Variants in CYP39A1 observed in about 807,000 individuals in gnomAD.
CYP39A1 encodes cytochrome P450 family 39 subfamily A member 1, also known as 24-hydroxycholesterol 7-alpha-hydroxylase.
Under a neutral mutation model 58.1 loss-of-function variants are expected in CYP39A1, and 49 were observed. The observed-to-expected ratio is 0.84, with a 90% CI of 0.67 to 1.07. CYP39A1 has a LOEUF of 1.07. Ranked by LOEUF, CYP39A1 falls within the 50% of genes least tolerant of loss-of-function variation. CYP39A1 has a pLI of 0.00. For synonymous variants in CYP39A1, 209 were observed against 187.6 expected (o/e 1.11, Z -0.93); for missense variants, 531 against 539.4 (o/e 0.98, Z 0.16).
At chr6:46,630,196 T>C (rs892262785) in intron 6 of CYP39A1, among the ~76,000 whole-genome samples, 1 of 152,066 alleles carries the variant, frequency 6.6e-6, no homozygotes. Flanking sequence ...AAGTTCCAAT[T>C]TCACCAGCAC....
At position 46,652,397 on chromosome 6, in the gene CYP39A1, A is replaced by G. The variant is rs755495001; in HGVS notation, c.177+9T>C. 1 of 1,607,866 alleles carries G rather than the reference A, an allele frequency of 6.2e-7. No homozygotes were observed. Among genetic ancestry groups the G allele is most frequent in the African/African-American group, 1.3e-5 (1 of 74,712 alleles). ...TCCTCTGGAGACCCCGTCTGCCACG[A>G]CCACATACCTTGATTCTTGCTTTCT... On this transcript the variant is annotated intron_variant, in intron 1 of 11. Transcript: ENST00000275016.
intron 2 of CYP39A1, 130 bp from the exon 3 acceptor site, chr6:46,639,798 A>G: frequency 1.4e-6 from 1 of 690,668 alleles, no homozygotes; most frequent in Non-Finnish European, 2.4e-6. Context: ...GTCACCTCCC[A>G]TAAATAAAAG....
chr6:46,580,597 A>G (rs577596772), intron 10 of CYP39A1, among the ~76,000 whole-genome samples: 2 of 152,312 alleles, frequency 1.3e-5, no homozygotes, highest in African/African-American at 4.8e-5. Context: ...AATATTTGGC[A>G]TATGCATCTC....
chr6:46,625,434 A>G lies in CYP39A1; in HGVS notation c.915T>C (p.Ser305=), dbSNP rs1775253136. 4 of 1,609,240 alleles carry G rather than the reference A, an allele frequency of 2.5e-6. No individual in the cohort carries two copies. The highest frequency in any genetic ancestry group is 1.3e-5 in the African/African-American group (1 of 74,830). Residue 305 remains serine (S), a synonymous_variant, in exon 7 of 12, where the codon TCT becomes TCC. Transcript: ENST00000275016. The stretch of plus-strand genomic sequence containing the variant: ...GTTTAGTACCTGCTTTGCCAAACAC[A>G]GAAGATATGCCTTCCATAATGGCCT... ...IHKAIMEGIS[S]VFGKAGKDKI...
intron 1 of CYP39A1, among the ~76,000 whole-genome samples, chr6:46,647,364 T>C (rs1762387581): frequency 6.6e-6 from 1 of 152,208 alleles, no homozygotes. Flanking sequence ...TCAACATAGA[T>C]GACTACAGGT....
intron 11 of CYP39A1, among the ~76,000 whole-genome samples, chr6:46,552,525 T>C (rs1390404061): frequency 6.6e-6 from 1 of 151,974 alleles, no homozygotes; most frequent in Non-Finnish European, 1.5e-5. Flanking sequence ...CACCTAAGAG[T>C]TTTATTTATC....
At chr6:46,601,664 CCTATTA>C (rs1773514894) in intron 7 of CYP39A1, among the ~76,000 whole-genome samples, 2 of 136,798 alleles carry the variant, frequency 1.5e-5, no homozygotes, top group South Asian at 4.6e-4. Context: ...TCTCAGGTTA[CCTATTA>C]TTATTATTAT....
intron 8 of CYP39A1, among the ~76,000 whole-genome samples, chr6:46,589,808 A>G (rs933966070): frequency 1.3e-5 from 2 of 152,104 alleles, no homozygotes; most frequent in African/African-American, 4.8e-5. Flanking sequence ...CAGCACAGGG[A>G]TGGGCCTTCA....
chr6:46,576,512 A>G (rs960922382), intron 10 of CYP39A1, among the ~76,000 whole-genome samples: 3 of 152,232 alleles, frequency 2.0e-5, no homozygotes, highest in African/African-American at 7.2e-5. Context: ...AATATCTGAA[A>G]TGACAGATAT....
intron 8 of CYP39A1, among the ~76,000 whole-genome samples, chr6:46,594,901 C>T (rs892025901): frequency 1.3e-5 from 2 of 151,774 alleles, no homozygotes; most frequent in South Asian, 2.1e-4. Flanking sequence ...TTTTTGCAGG[C>T]CATACATCTG....
rs1770321361 is a variant in CYP39A1, at chr6:46,550,336, G to A, written c.*30C>T. The A allele has an allele frequency of 6.3e-7, 1 of 1,598,502 alleles. No homozygotes were observed. The highest frequency in any genetic ancestry group is 1.1e-5 in the South Asian group (1 of 89,040). On this transcript the variant is annotated 3_prime_UTR_variant, in exon 12 of 12. Coordinates refer to ENST00000275016, the MANE Select transcript of CYP39A1 (RefSeq NM_016593.5). ...GTGGGGTAGTGCCACTCCTCCAGAA[G>A]GCCCTGGTCCTTGTGAGGCCCAACA...
At chr6:46,628,066 G>C (rs999122411) in intron 6 of CYP39A1, among the ~76,000 whole-genome samples, 5 of 152,128 alleles carry the variant, frequency 3.3e-5, no homozygotes, top group African/African-American at 1.2e-4. Context: ...TGAGAGAAAG[G>C]GCAAGGAGGA....
At chr6:46,625,288 T>C (rs976748169) in intron 7 of CYP39A1, 130 bp downstream of exon 7, 6 of 606,500 alleles carry the variant, frequency 9.9e-6, no homozygotes, top group Non-Finnish European at 1.4e-5. Context: ...TATATCCTGA[T>C]ATATAACAAA....
At chr6:46,615,150 T>C (rs1260265398) in intron 7 of CYP39A1, among the ~76,000 whole-genome samples, 2 of 152,112 alleles carry the variant, frequency 1.3e-5, no homozygotes, top group African/African-American at 4.8e-5. Context: ...CAAGTTTCTG[T>C]TGAAACATAG....
intron 1 of CYP39A1, among the ~76,000 whole-genome samples, chr6:46,651,389 G>A (rs949291710): frequency 1.4e-4 from 22 of 152,168 alleles, no homozygotes; most frequent in Non-Finnish European, 2.6e-4. Flanking sequence ...CATGGTACAG[G>A]AAAGTCATTC....
At chr6:46,570,954 GTAAACAAAGTAT>G (rs1771558181) in intron 10 of CYP39A1, among the ~76,000 whole-genome samples, 1 of 152,088 alleles carries the variant, frequency 6.6e-6, no homozygotes, top group East Asian at 1.9e-4. Flanking sequence ...GTCTCAAAAT[GTAAACAAAGTAT>G]TATGTCTTCT....
intron 10 of CYP39A1, among the ~76,000 whole-genome samples, chr6:46,568,134 AT>A (rs1371572944): frequency 6.6e-6 from 1 of 151,930 alleles, no homozygotes; most frequent in African/African-American, 2.4e-5. Context: ...TGGAGTTTTG[AT>A]TTGCATTTCC....
intron 10 of CYP39A1, among the ~76,000 whole-genome samples, chr6:46,563,720 C>A (rs1311066794): frequency 1.3e-5 from 2 of 152,114 alleles, no homozygotes; most frequent in Non-Finnish European, 2.9e-5. Context: ...GGCAAAAGAA[C>A]CTTTAAATAA....
At chr6:46,566,849 T>G (rs75179678) in intron 10 of CYP39A1, among the ~76,000 whole-genome samples, 1 of 145,254 alleles carries the variant, frequency 6.9e-6, no homozygotes, top group Non-Finnish European at 1.5e-5. Flanking sequence ...TATATATATA[T>G]ACACACACAT....
Sources: allele counts gnomAD v4.1 joint callset (sites outside exome capture counted in the v4.1 genomes callset), GRCh38; gene constraint gnomAD v4.1.1; transcripts MANE v1.5; gene names NCBI Gene and HGNC (gene_info 2026-07-23, HGNC 2026-07-21).